COPS3: variants seen among roughly 807,000 people sequenced by gnomAD.
COPS3 encodes COP9 signalosome complex subunit 3.
In COPS3, 10 loss-of-function variants were observed where a neutral mutation model predicts 58.2. The observed-to-expected ratio is 0.17, with a 90% CI of 0.11 to 0.29. The LOEUF (loss-of-function observed/expected upper bound fraction) is 0.29, where lower values mean the gene tolerates loss of function less well. Among genes scored for constraint, COPS3 ranks in the 10% least tolerant of loss-of-function variants. COPS3 has a pLI of 1.00. For missense variants in COPS3, 333 were observed against 510.1 expected (o/e 0.65, Z 3.34); for synonymous variants, 187 against 181.7 (o/e 1.03, Z -0.24).
At chr17:17,280,407 A>C in intron 1 of COPS3, among the ~76,000 whole-genome samples, 1 of 151,402 alleles carries the variant, frequency 6.6e-6, no homozygotes, top group Non-Finnish European at 1.5e-5. Flanking sequence ...TCTCAAAAAA[A>C]AAAAAAGCCG....
rs543808486 is a variant in COPS3, at chr17:17,255,882, C to T, written c.937-937G>A. On this transcript the variant is annotated intron_variant, in intron 8 of 11. Transcript: ENST00000268717. ...AATAAATAAATAAATAAATAAATAA[C>T]TGATAGGCTGGGCACGGTGGCTCAT... is the stretch of plus-strand genomic sequence containing the variant. 7.0e-4 allele frequency among the ~76,000 whole-genome samples: 51 copies of T among 72,644 alleles called. 1 individual carries two copies. The highest frequency in any genetic ancestry group is 1.3e-3 in the Non-Finnish European group (44 of 34,830). 47.7% of individuals were successfully genotyped at this position (72,644 alleles called of 152,430 possible). A position where few individuals can be genotyped will look rare whatever the true frequency, so the allele number is the denominator to read the frequency against.
chr17:17,276,276 A>C, intron 1 of COPS3, 112 bp from the exon 2 acceptor site: 1 of 1,383,162 alleles, frequency 7.2e-7, no homozygotes, highest in Non-Finnish European at 1.0e-6. Flanking sequence ...ATTGATTCTT[A>C]ATCTCCTTCA....
intron 8 of COPS3, among the ~76,000 whole-genome samples, chr17:17,256,797 C>T (rs568537232): frequency 6.6e-6 from 1 of 152,150 alleles, no homozygotes; most frequent in East Asian, 1.9e-4. Flanking sequence ...TACTTAGTTG[C>T]CCAGACTGGT....
In COPS3 at chr17:17,249,045, G is replaced by C. The variant is rs760118803; in HGVS notation, c.1024-6C>G. The stretch of plus-strand genomic sequence containing the variant: ...AAAATCTCACCATCTTCTATCTGCA[G>C]AAAGAAAAAAAAAAAAATCAGGAAA... On this transcript the variant is annotated splice_polypyrimidine_tract_variant and splice_region_variant and intron_variant, in intron 9 of 11. Transcript: ENST00000268717. The C allele has an allele frequency of 1.4e-6, 2 of 1,480,736 alleles. No homozygotes were observed. The highest frequency in any genetic ancestry group is 1.8e-6 in the Non-Finnish European group (2 of 1,095,012). 91.7% of individuals were successfully genotyped at this position (1,480,736 alleles called of 1,614,324 possible). A position where few individuals can be genotyped will look rare whatever the true frequency, so the allele number is the denominator to read the frequency against.
At chr17:17,270,622 G>A in intron 4 of COPS3, 136 bp downstream of exon 4, 3 of 780,840 alleles carry the variant, frequency 3.8e-6, no homozygotes. Flanking sequence ...AGCAATGGCT[G>A]TGAGTGCTCT....
At chr17:17,257,301 C>G (rs1474090345) in intron 8 of COPS3, among the ~76,000 whole-genome samples, 1 of 150,182 alleles carries the variant, frequency 6.7e-6, no homozygotes, top group Non-Finnish European at 1.5e-5. Context: ...GAGGCAGAGT[C>G]TGCAGTGAGC....
At chr17:17,252,602 G>T (rs117649174) in intron 9 of COPS3, among the ~76,000 whole-genome samples, 1 of 152,238 alleles carries the variant, frequency 6.6e-6, no homozygotes, top group Non-Finnish European at 1.5e-5. Flanking sequence ...CCTCAGAGGA[G>T]AACCACTGCT....
intron 6 of COPS3, 40 bp from the exon 7 acceptor site, chr17:17,262,146 C>T (rs1262747796): frequency 6.4e-7 from 1 of 1,569,312 alleles, no homozygotes. Flanking sequence ...GAGAACATAC[C>T]ACAGTAGCAA....
At chr17:17,278,174 GA>G (rs1331106237) in intron 1 of COPS3, among the ~76,000 whole-genome samples, 1 of 152,136 alleles carries the variant, frequency 6.6e-6, no homozygotes, top group African/African-American at 2.4e-5. Context: ...AATTAGGCCT[GA>G]ATTGGTACCT....
intron 1 of COPS3, among the ~76,000 whole-genome samples, chr17:17,278,825 G>A (rs1440543259): frequency 6.6e-6 from 1 of 151,566 alleles, no homozygotes; most frequent in Non-Finnish European, 1.5e-5. Context: ...GTGTCACAGA[G>A]TGCATTTGAA....
In COPS3 at chr17:17,254,814, G is replaced by GAAAA. The variant is rs71152853; in HGVS notation, c.1023+41_1023+44dup. On this transcript the variant is annotated intron_variant, in intron 9 of 11. Coordinates refer to ENST00000268717, the MANE Select transcript of COPS3 (RefSeq NM_003653.4). ...ACAGAGCGAGACTCCATCTCAAAAA[G>GAAAA]AAAAAAAAAAAAAAAAAAGAAAAAG... The GAAAA allele has an allele frequency of 4.7e-3, 3,845 of 819,586 alleles. 1 individual carries two copies. Among genetic ancestry groups the GAAAA allele is most frequent in the South Asian group, 0.011 (590 of 53,288 alleles). 50.8% of individuals were successfully genotyped at this position (819,586 alleles called of 1,614,324 possible). A position where few individuals can be genotyped will look rare whatever the true frequency, so the allele number is the denominator to read the frequency against.
At chr17:17,277,622 G>C (rs974065932) in intron 1 of COPS3, among the ~76,000 whole-genome samples, 9 of 151,662 alleles carry the variant, frequency 5.9e-5, no homozygotes, top group African/African-American at 2.2e-4. Flanking sequence ...GTCTCACTAT[G>C]TTGCCCAGTC....
intron 4 of COPS3, among the ~76,000 whole-genome samples, chr17:17,268,802 G>A (rs1400868163): frequency 6.8e-6 from 1 of 148,052 alleles, no homozygotes; most frequent in East Asian, 2.0e-4. Context: ...CTGGGCAACA[G>A]AGCAAGACCC....
intron 7 of COPS3, 34 bp from the exon 8 acceptor site, chr17:17,260,508 A>C: frequency 7.5e-6 from 12 of 1,609,170 alleles, no homozygotes; most frequent in Non-Finnish European, 1.0e-5. Context: ...AATTCAGATT[A>C]AAACTTCAGA....
At position 17,254,844 on chromosome 17, in the gene COPS3, A is replaced by T; in HGVS notation, c.1023+15T>A. The T allele has an allele frequency of 6.5e-7, 1 of 1,534,662 alleles. No homozygotes were observed. The highest frequency in any genetic ancestry group is 8.8e-7 in the Non-Finnish European group (1 of 1,134,266). On this transcript the variant is annotated intron_variant, in intron 9 of 11. Coordinates refer to ENST00000268717, the MANE Select transcript of COPS3 (RefSeq NM_003653.4). The stretch of plus-strand genomic sequence containing the variant: ...AAAAAAAAAAAAAAGAAAAAGAAAA[A>T]GAAAATCCACTTACCATGTGCAGAA...
Position 17,276,182 on chromosome 17 carries a change from C to T in COPS3, c.56-18G>A, listed in dbSNP as rs1470360995. On this transcript the variant is annotated intron_variant, in intron 1 of 11. Coordinates refer to ENST00000268717, the MANE Select transcript of COPS3 (RefSeq NM_003653.4). ...CATTTGCCCTGGAAAACAGGAACAA[C>T]ACTATTGCATTTCAGCTACAGCACT... 10 of 1,612,920 alleles carry T rather than the reference C, an allele frequency of 6.2e-6. No homozygotes were observed. The highest frequency in any genetic ancestry group is 7.6e-6 in the Non-Finnish European group (9 of 1,179,320).
In COPS3 at chr17:17,270,986, T is replaced by C. The variant is rs2048328776; in HGVS notation, c.208A>G (p.Ser70Gly). The change falls in exon 3 of 12, where the codon AGT becomes GGT. Residue 70 changes from serine (S) to glycine (G), a missense_variant. By Grantham distance (56) the Ser-to-Gly change is moderately conservative. Coordinates refer to ENST00000268717, the MANE Select transcript of COPS3 (RefSeq NM_003653.4). The part of the protein sequence containing the change: ...AVLFVKFSMP[S>G]VPDFETLFSQ... The stretch of plus-strand genomic sequence containing the variant: ...AATAGCGTTTCGAAGTCAGGAACAC[T>C]GGGCATAGAAAACTTCACAAACCTA... The C allele has an allele frequency of 1.2e-6, 2 of 1,613,816 alleles. No homozygotes were observed. The highest frequency in any genetic ancestry group is 1.7e-5 in the Admixed American group (1 of 59,952).
At chr17:17,263,512 T>TTTC in intron 6 of COPS3, among the ~76,000 whole-genome samples, 2 of 29,438 alleles carry the variant, frequency 6.8e-5, no homozygotes, top group African/African-American at 3.0e-4. Context: ...TGCCTTTTCT[T>TTTC]TTTTTTTTTT....
chr17:17,271,560 C>T (rs1328661829), intron 2 of COPS3, among the ~76,000 whole-genome samples: 1 of 152,164 alleles, frequency 6.6e-6, no homozygotes, highest in East Asian at 1.9e-4. Context: ...TGGCTCATGC[C>T]TGTAATCCCA....
Sources: allele counts gnomAD v4.1 joint callset (sites outside exome capture counted in the v4.1 genomes callset), GRCh38; gene constraint gnomAD v4.1.1; transcripts MANE v1.5; gene names NCBI Gene and HGNC (gene_info 2026-07-23, HGNC 2026-07-21).